CSN3: variants seen among roughly 807,000 people sequenced by gnomAD.
CSN3 encodes the protein casein kappa.
A neutral mutation model predicts 9.9 loss-of-function variants in CSN3; 7 were observed. The ratio of observed to expected loss-of-function variants is 0.71; its 90% confidence interval spans 0.40 to 1.33. The LOEUF is 1.33. CSN3 is among the 40% of genes most tolerant of loss of function. The pLI is 0.01. For missense variants in CSN3, 253 were observed against 227.9 expected, an observed-to-expected ratio of 1.11 and a Z score of -0.71; for synonymous variants, 88 against 82.3, an observed-to-expected ratio of 1.07 and a Z score of -0.37.
Position 70,249,527 on chromosome 4 carries a change from A to G in CSN3, c.*34+34A>G, listed in dbSNP as rs1730446072. ...ACAGTATATAAAATGAGTAATTCCG[A>G]CAAGAAGCATGGATTTATGAATACA... On this transcript the variant is annotated intron_variant, in intron 4 of 4. Transcript: ENST00000304954. 1.2e-5 allele frequency: 14 copies of G among 1,197,108 alleles called. 1 individual carries two copies. In the South Asian group the frequency reaches 1.8e-4, roughly 15 times the overall value. The allele number at this position is 1,197,108 out of a possible 1,614,324, so 74.2% of individuals were successfully genotyped here.
At chr4:70,249,150 T>C in exon 4 of CSN3, 1 of 1,614,068 alleles carries the variant, frequency 6.2e-7, no homozygotes. Flanking sequence ...CTCGCACATA[T>C]TATGCAAACC....
intron 2 of CSN3, among the ~76,000 whole-genome samples, chr4:70,246,442 T>TA (rs1207823732): frequency 6.6e-6 from 1 of 151,982 alleles, no homozygotes; most frequent in African/African-American, 2.4e-5. Context: ...CGATAAGAAA[T>TA]AAACATTTCA....
upstream of CSN3, among the ~76,000 whole-genome samples, chr4:70,238,969 G>A (rs58245768): frequency 0.11 from 17,235 of 151,730 alleles, 1,289 homozygotes; most frequent in East Asian, 0.27. Context: ...TCTATTTTAC[G>A]TGCAAATAGA....
chr4:70,246,374 G>A (rs1730377084), intron 2 of CSN3, among the ~76,000 whole-genome samples: 1 of 151,700 alleles, frequency 6.6e-6, no homozygotes, highest in African/African-American at 2.4e-5. Flanking sequence ...AAAGGCCACT[G>A]GTATACAGAT....
chr4:70,242,922 C>T (rs958653444), intron 1 of CSN3, among the ~76,000 whole-genome samples: 7 of 152,052 alleles, frequency 4.6e-5, no homozygotes, highest in African/African-American at 1.7e-4. Context: ...ATTGTGAATT[C>T]CGAACAAGAA....
intron 3 of CSN3, 95 bp from the exon 4 acceptor site, chr4:70,248,903 G>A (rs1338844721): frequency 5.9e-6 from 5 of 848,188 alleles, no homozygotes; most frequent in Non-Finnish European, 8.9e-6. Flanking sequence ...TTACTCAATG[G>A]TAAATACTAT....
rs989094280 is a variant in CSN3 at position 70,251,052 on chromosome 4, G to A, written c.*35-210G>A. Among the ~76,000 whole-genome samples the A allele has an allele frequency of 2.7e-5, 4 of 149,344 alleles. 1 individual carries two copies. Reference sequence around the variant, plus strand: ...ACTGATGCAAAACATAAAGAAGCATGTAAAAGAGTTTTTTCTGTAAATATT... The same window carrying A: ...ACTGATGCAAAACATAAAGAAGCATATAAAAGAGTTTTTTCTGTAAATATT... On this transcript the variant is annotated intron_variant, in intron 4 of 4. Coordinates refer to ENST00000304954, the Ensembl canonical transcript of CSN3.
intron 3 of CSN3, 34 bp from the exon 4 acceptor site, chr4:70,248,964 T>C: frequency 6.9e-7 from 1 of 1,446,358 alleles, no homozygotes; most frequent in South Asian, 1.4e-5. Context: ...GGGTCTATAA[T>C]AATAATATTC....
intron 2 of CSN3, among the ~76,000 whole-genome samples, chr4:70,246,273 A>C (rs1730375569): frequency 6.6e-6 from 1 of 152,202 alleles, no homozygotes; most frequent in Non-Finnish European, 1.5e-5. Flanking sequence ...AATTTGACAC[A>C]ACTTTTCTAT....
chr4:70,245,105 A>G (rs1035464232), intron 2 of CSN3, among the ~76,000 whole-genome samples: 1 of 152,106 alleles, frequency 6.6e-6, no homozygotes, highest in African/African-American at 2.4e-5. Flanking sequence ...TTAATCATGT[A>G]CAGGAAACTT....
chr4:70,245,387 T>G (rs535587450), intron 2 of CSN3, among the ~76,000 whole-genome samples: 6 of 152,274 alleles, frequency 3.9e-5, no homozygotes, highest in Non-Finnish European at 7.4e-5. Flanking sequence ...ATCATTAACT[T>G]TTGTTATATT....
chr4:70,247,984 C>A (rs1730413296), intron 3 of CSN3, 134 bp downstream of exon 3: 1 of 574,874 alleles, frequency 1.7e-6, no homozygotes, highest in Non-Finnish European at 2.8e-6. Context: ...ATAATATTTG[C>A]AAGAAAATAA....
intron 2 of CSN3, among the ~76,000 whole-genome samples, chr4:70,246,574 A>G (rs1414318399): frequency 1.3e-5 from 2 of 152,068 alleles, no homozygotes; most frequent in East Asian, 1.9e-4. Context: ...TTAGACAAGC[A>G]TATACCAGGA....
upstream of CSN3, among the ~76,000 whole-genome samples, chr4:70,239,091 G>C (rs969374177): frequency 6.6e-6 from 1 of 151,788 alleles, no homozygotes; most frequent in Non-Finnish European, 1.5e-5. Context: ...AGATATTAAA[G>C]ATAGAGGGAG....
chr4:70,243,559 C>A (rs190802215), intron 1 of CSN3, among the ~76,000 whole-genome samples: 31 of 152,132 alleles, frequency 2.0e-4, no homozygotes, highest in African/African-American at 7.5e-4. Context: ...GGCTTTCCAT[C>A]CCCTATCTGA....
rs562792882 is a variant in CSN3, at chr4:70,249,754, G to A, written c.*34+261G>A. On this transcript the variant is annotated intron_variant, in intron 4 of 4. Transcript: ENST00000304954. ...TATCAAACTTTTTTCTGACAATTGG[G>A]ACACTCTTAGAATGTAATAGTTTTA... 2.8e-4 allele frequency among the ~76,000 whole-genome samples: 43 copies of A among 152,218 alleles called. 1 individual carries two copies. The South Asian group carries it at 8.7e-3, about 31-fold the overall frequency.
chr4:70,244,883 T>C lies in CSN3; in HGVS notation c.54+10T>C. On this transcript the variant is annotated intron_variant, in intron 2 of 4. Transcript: ENST00000304954. ...AACCCTGCCTTTTTTGGTAAGTTAA[T>C]TTCATCTAACCAGATTGTACTGACT... 1 of 1,555,636 alleles carries C rather than the reference T, an allele frequency of 6.4e-7. No individual in the cohort carries two copies. The highest frequency in any genetic ancestry group is 8.7e-7 in the Non-Finnish European group (1 of 1,148,770).
intron 2 of CSN3, among the ~76,000 whole-genome samples, chr4:70,245,137 G>A (rs566182103): frequency 7.9e-5 from 12 of 152,020 alleles, no homozygotes; most frequent in Admixed American, 2.6e-4. Flanking sequence ...ATGCTATAGA[G>A]AAAATACATT....
intron 3 of CSN3, 41 bp downstream of exon 3, chr4:70,247,891 CA>C: frequency 6.6e-7 from 1 of 1,511,802 alleles, no homozygotes; most frequent in Non-Finnish European, 9.0e-7. Flanking sequence ...GCATGAACTA[CA>C]AAATATATTC....
Sources: gnomAD v4.1 joint callset for allele counts (sites outside exome capture counted in the v4.1 genomes callset) on GRCh38, gnomAD v4.1.1 for gene constraint, MANE v1.5 for transcripts, NCBI Gene and HGNC (gene_info 2026-07-23, HGNC 2026-07-21) for gene names.